PPP2R2C: variants seen among roughly 807,000 people sequenced by gnomAD.
The protein encoded by PPP2R2C is protein phosphatase 2, regulatory subunit B, gamma.
Under a neutral mutation model 45.3 loss-of-function variants are expected in PPP2R2C, and 10 were observed. The observed-to-expected ratio is 0.22, with a 90% confidence interval of 0.14 to 0.37. The LOEUF is 0.37. PPP2R2C is among the 10% of genes least tolerant of loss of function. The pLI is 1.00. For synonymous variants in PPP2R2C, 257 were observed against 245.4 expected, an observed-to-expected ratio of 1.05 and a Z score of -0.44; for missense variants, 308 against 619.7, an observed-to-expected ratio of 0.50 and a Z score of 5.34.
At chr4:6,482,558 G>T (rs1053639710) in intron 2 of PPP2R2C, among the ~76,000 whole-genome samples, 1 of 152,234 alleles carries the variant, frequency 6.6e-6, no homozygotes, top group Non-Finnish European at 1.5e-5. Flanking sequence ...CTGTTGTTCA[G>T]TAGGAAGGCT....
At chr4:6,490,204 C>T (rs1207622584) in intron 2 of PPP2R2C, among the ~76,000 whole-genome samples, 2 of 152,214 alleles carry the variant, frequency 1.3e-5, no homozygotes, top group Non-Finnish European at 2.9e-5. Flanking sequence ...GAAAACAAGA[C>T]TCCAAGCCTT....
At chr4:6,492,337 T>G (rs954133596) in intron 2 of PPP2R2C, among the ~76,000 whole-genome samples, 18 of 152,170 alleles carry the variant, frequency 1.2e-4, no homozygotes, top group African/African-American at 4.1e-4. Context: ...TGCCTACCCA[T>G]GGCCAACCCC....
chr4:6,453,899 AC>A (rs959446250), intron 1 of PPP2R2C, among the ~76,000 whole-genome samples: 5 of 151,838 alleles, frequency 3.3e-5, no homozygotes, highest in African/African-American at 1.2e-4. Flanking sequence ...GGCAGGCTGC[AC>A]CCCCACCCGG....
At chr4:6,352,137 C>T (rs1712622161) in intron 5 of PPP2R2C, among the ~76,000 whole-genome samples, 2 of 152,126 alleles carry the variant, frequency 1.3e-5, no homozygotes, top group African/African-American at 4.8e-5. Flanking sequence ...AAGCATTTGG[C>T]CCAGTGACCA....
chr4:6,554,477 C>G (rs1560619874), intron 1 of PPP2R2C, among the ~76,000 whole-genome samples: 1 of 152,202 alleles, frequency 6.6e-6, no homozygotes, highest in East Asian at 1.9e-4. Context: ...TCAAGCCACT[C>G]TGTGTGTAGT....
intron 2 of PPP2R2C, among the ~76,000 whole-genome samples, chr4:6,504,855 G>T (rs1475076185): frequency 6.6e-6 from 1 of 152,082 alleles, no homozygotes; most frequent in African/African-American, 2.4e-5. Context: ...GTCAAAGAAG[G>T]TGACAAAAGA....
intron 1 of PPP2R2C, among the ~76,000 whole-genome samples, chr4:6,548,258 G>A (rs1725061054): frequency 1.3e-5 from 2 of 151,806 alleles, no homozygotes; most frequent in African/African-American, 2.4e-5. Flanking sequence ...AGTCATAATG[G>A]GGCACAACCA....
chr4:6,423,817 C>G (rs773272068), intron 1 of PPP2R2C, among the ~76,000 whole-genome samples: 2 of 152,260 alleles, frequency 1.3e-5, no homozygotes, highest in Non-Finnish European at 2.9e-5. Flanking sequence ...GCCAGAAAGG[C>G]AGGTCAGGCC....
chr4:6,535,160 G>A (rs895215181), intron 2 of PPP2R2C: 3 of 1,241,836 alleles, frequency 2.4e-6, no homozygotes, highest in Non-Finnish European at 3.4e-6. Flanking sequence ...CCAGCACGGT[G>A]GGGTCGGCTT....
chr4:6,446,853 C>A lies in PPP2R2C; in HGVS notation c.70+25307G>T, dbSNP rs965409350. Among the ~76,000 whole-genome samples the A allele has an allele frequency of 8.9e-4, 133 of 150,066 alleles. 1 individual carries two copies. Among genetic ancestry groups the A allele is most frequent in the African/African-American group, 3.2e-3 (131 of 40,598 alleles). On this transcript the variant is annotated intron_variant, in intron 1 of 8. Coordinates refer to ENST00000382599, the MANE Select transcript of PPP2R2C (RefSeq NM_020416.4). ...GGATACGGCAGCTCACAGCAGAATT[C>A]TTTTATAAAGCAAAGTGTCTGCTTG...
At position 6,563,552 on chromosome 4, in the gene PPP2R2C, G is replaced by C. The variant is rs532375446; in HGVS notation, c.-59+8C>G. The C allele has an allele frequency of 1.3e-5, 2 of 152,018 alleles. No individual in the cohort carries two copies. The highest frequency in any genetic ancestry group is 2.9e-5 in the Non-Finnish European group (2 of 67,924). The allele number at this position is 152,018 out of a possible 1,614,324, so 9.4% of individuals were successfully genotyped here. ...GGCGGGGCCGGGCGCCCTGCAGCCC[G>C]CGCTTACCTTCGGAAACTTCGAGGT... On this transcript the variant is annotated splice_region_variant and intron_variant, in intron 1 of 9. Transcript: ENST00000506140. The surrounding 1 kb of genome is among the most constrained non-coding windows in gnomAD (Gnocchi z 5.8).
At chr4:6,350,661 G>T (rs949729362) in intron 5 of PPP2R2C, 9 of 848,204 alleles carry the variant, frequency 1.1e-5, no homozygotes, top group African/African-American at 3.9e-5. Context: ...AACATTCCAG[G>T]TTCTCTCCCA....
chr4:6,528,793 C>T (rs1724299165), intron 2 of PPP2R2C, among the ~76,000 whole-genome samples: 2 of 152,162 alleles, frequency 1.3e-5, no homozygotes, highest in South Asian at 2.1e-4. Context: ...GGCTCAAAAG[C>T]TCCCCTACTG....
chr4:6,513,013 G>C (rs1010578067), intron 2 of PPP2R2C, among the ~76,000 whole-genome samples: 2 of 152,122 alleles, frequency 1.3e-5, no homozygotes, highest in Non-Finnish European at 2.9e-5. Flanking sequence ...GCATCTTGGG[G>C]AATTTTATTT....
At chr4:6,383,814 C>G (rs938090726) in intron 1 of PPP2R2C, 24 of 997,156 alleles carry the variant, frequency 2.4e-5, no homozygotes, top group Non-Finnish European at 4.8e-6. Context: ...TATGCAGTAG[C>G]CAGGCCAGAG....
intron 8 of PPP2R2C, among the ~76,000 whole-genome samples, chr4:6,325,175 A>C (rs1731844818): frequency 6.6e-6 from 1 of 152,120 alleles, no homozygotes; most frequent in African/African-American, 2.4e-5. Context: ...GCACTCTCTT[A>C]GTTTTCTATA....
At chr4:6,552,951 G>A (rs1366207092) in intron 1 of PPP2R2C, among the ~76,000 whole-genome samples, 1 of 152,166 alleles carries the variant, frequency 6.6e-6, no homozygotes, top group Non-Finnish European at 1.5e-5. Flanking sequence ...TAGATGTTGG[G>A]GTCTCACTGG....
intron 6 of PPP2R2C, among the ~76,000 whole-genome samples, chr4:6,343,010 C>G (rs1733572610): frequency 6.6e-6 from 1 of 152,164 alleles, no homozygotes; most frequent in African/African-American, 2.4e-5. Context: ...TCAGCCACTC[C>G]CTGAGTTTTG....
intron 1 of PPP2R2C, among the ~76,000 whole-genome samples, chr4:6,549,515 C>T (rs886771913): frequency 1.3e-5 from 2 of 152,192 alleles, no homozygotes; most frequent in African/African-American, 4.8e-5. Context: ...AGTGAAATGC[C>T]CCTCACCTGT....
Sources: allele counts gnomAD v4.1 joint callset (sites outside exome capture counted in the v4.1 genomes callset), GRCh38; gene constraint gnomAD v4.1.1; non-coding constraint Gnocchi (gnomAD v3.1); transcripts MANE v1.5; gene names NCBI Gene and HGNC (gene_info 2026-07-23, HGNC 2026-07-21).